FMN1: variants seen among roughly 807,000 people sequenced by gnomAD.
The protein encoded by FMN1 is formin-1.
FMN1 carries 110 observed loss-of-function variants against 132.4 expected under a neutral mutation model. That is an observed-to-expected ratio of 0.83 (90% CI 0.71 to 0.97). The LOEUF (loss-of-function observed/expected upper bound fraction) is 0.97. Among genes scored for constraint, FMN1 ranks in the 50% least tolerant of loss-of-function variants. The probability of loss-of-function intolerance (pLI) is 0.00; values close to 1 mark genes in which losing one functional copy is unlikely to be tolerated. For missense variants in FMN1, 1,792 were observed against 1,705.3 expected, an observed-to-expected ratio of 1.05 and a Z score of -0.90; for synonymous variants, 722 against 651.7, an observed-to-expected ratio of 1.11 and a Z score of -1.64.
chr15:33,033,972 C>G (rs1596517965), intron 6 of FMN1, among the ~76,000 whole-genome samples: 1 of 151,980 alleles, frequency 6.6e-6, no homozygotes, highest in East Asian at 1.9e-4. Context: ...CTCATTTCTC[C>G]TCTTCATCTC....
intron 17 of FMN1, among the ~76,000 whole-genome samples, chr15:32,831,053 C>G (rs1378988867): frequency 6.6e-6 from 1 of 152,112 alleles, no homozygotes; most frequent in Non-Finnish European, 1.5e-5. Context: ...GATTGAGGTC[C>G]TCCTTTAAGT....
At chr15:33,112,662 T>C (rs996113210) in intron 4 of FMN1, among the ~76,000 whole-genome samples, 2 of 152,012 alleles carry the variant, frequency 1.3e-5, no homozygotes, top group Non-Finnish European at 2.9e-5. Flanking sequence ...ATATTCTACT[T>C]GTACATCTGG....
At chr15:33,127,732 A>T (rs1251750997) in intron 4 of FMN1, among the ~76,000 whole-genome samples, 1 of 152,188 alleles carries the variant, frequency 6.6e-6, no homozygotes, top group Non-Finnish European at 1.5e-5. Flanking sequence ...GGCAGGTTAT[A>T]TTGTAATGAT....
intron 4 of FMN1, chr15:33,150,224 G>A: frequency 1.0e-6 from 1 of 985,420 alleles, no homozygotes; most frequent in Non-Finnish European, 1.2e-6. Context: ...AAACAGAAAG[G>A]AATCCTAGCA....
chr15:33,060,304 C>T (rs139331922), intron 6 of FMN1, among the ~76,000 whole-genome samples: 34 of 152,312 alleles, frequency 2.2e-4, no homozygotes, highest in African/African-American at 7.7e-4. Flanking sequence ...GAAATTAAAA[C>T]TCAAATTATA....
chr15:33,128,404 T>A (rs994294097), intron 4 of FMN1, among the ~76,000 whole-genome samples: 1 of 152,188 alleles, frequency 6.6e-6, no homozygotes, highest in African/African-American at 2.4e-5. Context: ...CCGCCATTTG[T>A]TCATCAACAA....
At chr15:33,095,649 A>G (rs2039055878) in intron 4 of FMN1, among the ~76,000 whole-genome samples, 1 of 152,146 alleles carries the variant, frequency 6.6e-6, no homozygotes, top group Admixed American at 6.5e-5. Flanking sequence ...TTGCGATTAC[A>G]GGCATAAGTC....
chr15:32,800,170 A>G (rs2057429885), intron 18 of FMN1, among the ~76,000 whole-genome samples: 1 of 152,244 alleles, frequency 6.6e-6, no homozygotes, highest in Admixed American at 6.5e-5. Flanking sequence ...GGGTACGATT[A>G]GGCGAGATCC....
At chr15:33,020,638 C>CAA (rs3081420) in intron 6 of FMN1, among the ~76,000 whole-genome samples, 3 of 136,420 alleles carry the variant, frequency 2.2e-5, no homozygotes, top group Admixed American at 7.2e-5. Flanking sequence ...AACTCCGTCT[C>CAA]AAAAAAAAAA....
intron 10 of FMN1, among the ~76,000 whole-genome samples, chr15:32,920,735 T>C (rs941202376): frequency 1.3e-5 from 2 of 152,226 alleles, no homozygotes; most frequent in African/African-American, 2.4e-5. Context: ...TACACATTCC[T>C]GCTGAAGCCA....
Position 32,838,596 on chromosome 15 carries a change from C to T in FMN1, c.3928+18419G>A, listed in dbSNP as rs562783402. 1.2e-3 allele frequency among the ~76,000 whole-genome samples: 183 copies of T among 152,328 alleles called. 2 individuals carry two copies. The highest frequency in any genetic ancestry group is 4.2e-3 in the African/African-American group (173 of 41,584). On this transcript the variant is annotated intron_variant, in intron 17 of 20. Coordinates refer to ENST00000616417, the MANE Select transcript of FMN1 (RefSeq NM_001277313.2). ...CAACACACATGCCCGCTTAAAGCCC[C>T]GCTTAAAGCGGGAGGGCAAAAATCT...
chr15:33,077,966 A>G (rs1477930481), intron 5 of FMN1, among the ~76,000 whole-genome samples: 1 of 152,216 alleles, frequency 6.6e-6, no homozygotes, highest in African/African-American at 2.4e-5. Context: ...TAGAATGGCG[A>G]TCATTAAAAA....
chr15:33,142,958 C>T (rs572641648), intron 4 of FMN1, among the ~76,000 whole-genome samples: 6 of 152,192 alleles, frequency 3.9e-5, no homozygotes, highest in Admixed American at 2.0e-4. Context: ...AACATTAAAC[C>T]GCCTCTGGTT....
Position 33,153,571 on chromosome 15 carries a change from AG to A in FMN1, c.1343del (p.Pro448LeufsTer31). 1 of 1,536,232 alleles carries A rather than the reference AG, an allele frequency of 6.5e-7. No individual in the cohort carries two copies. Among genetic ancestry groups the A allele is most frequent in the Non-Finnish European group, 8.7e-7 (1 of 1,146,938 alleles). Reference sequence around the variant, plus strand: ...TGTTTCTCGTTTCTGGGCGAGTGTGAGGGACACTCGTGTGGACAGGGAAGCC... The same window carrying A: ...TGTTTCTCGTTTCTGGGCGAGTGTGAGGACACTCGTGTGGACAGGGAAGCC... The part of the protein sequence containing the change: ...RLGFPVHTSV[P>X]HTRPETRNKR... On this transcript the variant is annotated frameshift_variant, in exon 4 of 21. Coordinates refer to ENST00000616417, the MANE Select transcript of FMN1 (RefSeq NM_001277313.2). LOFTEE classifies it high-confidence loss of function.
At chr15:32,998,356 T>A (rs769991058) in intron 7 of FMN1, among the ~76,000 whole-genome samples, 11 of 152,212 alleles carry the variant, frequency 7.2e-5, no homozygotes, top group Non-Finnish European at 1.3e-4. Context: ...CTAGGTAACA[T>A]GGGAAAAGAA....
chr15:32,853,514 G>A (rs1019019804), intron 17 of FMN1, among the ~76,000 whole-genome samples: 1 of 152,134 alleles, frequency 6.6e-6, no homozygotes, highest in African/African-American at 2.4e-5. Context: ...GATTATCTAT[G>A]GTGAATAGTG....
chr15:32,947,887 G>A (rs1004123459), intron 9 of FMN1, among the ~76,000 whole-genome samples: 1 of 151,818 alleles, frequency 6.6e-6, no homozygotes, highest in African/African-American at 2.4e-5. Flanking sequence ...GATTTTCTAT[G>A]CTGAAAAATC....
chr15:33,053,233 C>T (rs1177687045), intron 6 of FMN1, among the ~76,000 whole-genome samples: 1 of 152,242 alleles, frequency 6.6e-6, no homozygotes, highest in Non-Finnish European at 1.5e-5. Context: ...ATCCACCCGG[C>T]TGCAGACAGC....
intron 17 of FMN1, among the ~76,000 whole-genome samples, chr15:32,827,466 A>G (rs2058394909): frequency 1.3e-5 from 2 of 152,210 alleles, no homozygotes; most frequent in South Asian, 2.1e-4. Flanking sequence ...AGAAAATAGC[A>G]TTAGTTTTCA....
Sources: gnomAD v4.1 joint callset for allele counts (sites outside exome capture counted in the v4.1 genomes callset) on GRCh38, gnomAD v4.1.1 for gene constraint, MANE v1.5 for transcripts, NCBI Gene and HGNC (gene_info 2026-07-23, HGNC 2026-07-21) for gene names.